SETD1B: variants seen among roughly 807,000 people sequenced by gnomAD.
The protein encoded by SETD1B is SET domain containing 1B, histone lysine methyltransferase, also known as histone-lysine N-methyltransferase SETD1B.
Under a neutral mutation model 148.0 loss-of-function variants are expected in SETD1B, and 7 were observed. That is an observed-to-expected ratio of 0.05 (90% CI 0.03 to 0.09). The LOEUF (loss-of-function observed/expected upper bound fraction) is 0.09, where lower values mean the gene tolerates loss of function less well. SETD1B is among the 10% of genes least tolerant of loss of function. The pLI, the probability that SETD1B is intolerant of heterozygous loss-of-function variation, is 1.00. For synonymous variants in SETD1B, 1,361 were observed against 1,186.5 expected (o/e 1.15, Z -3.02); for missense variants, 2,155 against 2,729.9 (o/e 0.79, Z 4.69).
In SETD1B at chr12:121,828,082, G is replaced by A; in HGVS notation, c.5727+12G>A. The A allele has an allele frequency of 1.3e-6, 2 of 1,551,482 alleles. No individual in the cohort carries two copies. The highest frequency in any genetic ancestry group is 1.7e-6 in the Non-Finnish European group (2 of 1,146,966). Reference sequence around the variant, plus strand: ...ACCACAGCTGCAACGTGAGTGCCCAGCGGGGGGTGGCCCCTGCCCCTGCTC... The same window carrying A: ...ACCACAGCTGCAACGTGAGTGCCCAACGGGGGGTGGCCCCTGCCCCTGCTC... On this transcript the variant is annotated intron_variant, in intron 16 of 16. Transcript: ENST00000604567.
Position 121,810,661 on chromosome 12 carries a change from C to T in SETD1B, c.1716C>T (p.Ile572=). Residue 572 remains isoleucine, a synonymous_variant, in exon 6 of 17, where the codon ATC becomes ATT. Transcript: ENST00000604567. This position sits in a 1 kb window ranked among gnomAD's most constrained non-coding sequence, Gnocchi z 7.6. ...CCTCCAGCACCGGCCTGGAGGATAT[C>T]AGCCCAACACCCCTCCCAGACTCCG... The part of the protein sequence containing the change: ...SRPSSTGLED[I]SPTPLPDSDE... 4 of 1,549,678 alleles carry T rather than the reference C, an allele frequency of 2.6e-6. No individual in the cohort carries two copies. The highest frequency in any genetic ancestry group is 3.5e-6 in the Non-Finnish European group (4 of 1,146,730).
At chr12:121,792,248 G>T in the SETD1B span, among the ~76,000 whole-genome samples, 203 of 152,324 alleles carry the variant, frequency 1.3e-3, 1 homozygote, top group African/African-American at 4.6e-3. Context: ...GAGGGCCACC[G>T]GATGACGTGG....
At chr12:121,812,379 TTC>T (rs1361195069) in intron 6 of SETD1B, among the ~76,000 whole-genome samples, 2 of 151,976 alleles carry the variant, frequency 1.3e-5, no homozygotes, top group Non-Finnish European at 2.9e-5. Flanking sequence ...ACTTTTGCCT[TTC>T]TGAGTCTCAG....
chr12:121,794,600 T>TC, the SETD1B span, among the ~76,000 whole-genome samples: 1 of 151,980 alleles, frequency 6.6e-6, no homozygotes, highest in Admixed American at 6.5e-5. Context: ...ATCCCAGGAA[T>TC]CCCCCCAACT....
At chr12:121,793,178 A>G in the SETD1B span, 2 of 1,550,578 alleles carry the variant, frequency 1.3e-6, no homozygotes, top group Non-Finnish European at 1.7e-6. Flanking sequence ...GTTCAGGGTC[A>G]CCTCCTTGCT....
Position 121,810,724 on chromosome 12 carries a change from G to A in SETD1B, c.1779G>A (p.Arg593=), listed in dbSNP as rs1566549532. Residue 593 remains arginine (R), a synonymous_variant, in exon 6 of 17, where the codon CGG becomes CGA. Transcript: ENST00000604567. The surrounding 1 kb of genome is among the most constrained non-coding windows in gnomAD (Gnocchi z 7.6). ...DEELDLGLGP[R]PPPEPGPPDP... ...AGCTCGACCTGGGCCTTGGGCCTCGGCCTCCACCTGAGCCAGGCCCCCCGG... is the reference window on the plus strand; with the variant it reads ...AGCTCGACCTGGGCCTTGGGCCTCGACCTCCACCTGAGCCAGGCCCCCCGG... 6.4e-7 allele frequency: 1 copy of A among 1,551,248 alleles called. No homozygotes were observed. Among genetic ancestry groups the A allele is most frequent in the Non-Finnish European group, 8.7e-7 (1 of 1,146,908 alleles).
At chr12:121,791,308 T>C in the SETD1B span, among the ~76,000 whole-genome samples, 1 of 152,166 alleles carries the variant, frequency 6.6e-6, no homozygotes, top group Non-Finnish European at 1.5e-5. Flanking sequence ...GGATTTTTAG[T>C]AGAGATGGGG....
chr12:121,800,649 G>T (rs1875296942), upstream of SETD1B: 1 of 150,128 alleles, frequency 6.7e-6, no homozygotes, highest in Non-Finnish European at 1.5e-5. Context: ...TACCCCTGCC[G>T]CTCCTCCCGC....
Position 121,831,508 on chromosome 12 carries a change from G to T in SETD1B, c.*1269G>T, listed in dbSNP as rs1439662802. 3.3e-5 allele frequency: 5 copies of T among 151,426 alleles called. No individual in the cohort carries two copies. Among genetic ancestry groups the T allele is most frequent in the Non-Finnish European group, 7.4e-5 (5 of 67,922 alleles). 9.4% of individuals were successfully genotyped at this position (151,426 alleles called of 1,614,324 possible). ...AAGGAAGGGGAAAAAGGTTTTTGAA[G>T]TTCAGAACCAACTTCTGTATATAGA... On this transcript the variant is annotated 3_prime_UTR_variant, in exon 17 of 17. Coordinates refer to ENST00000604567, the MANE Select transcript of SETD1B (RefSeq NM_001353345.2).
At chr12:121,814,977 C>T (rs531438373) in intron 7 of SETD1B, 47 bp downstream of exon 7, 1 of 1,472,696 alleles carries the variant, frequency 6.8e-7, no homozygotes. Context: ...TGGAGGGGGG[C>T]AGGTCCCCAG....
Position 121,810,298 on chromosome 12 carries a change from ACCCGGCCCGCCGCCC to A in SETD1B, c.1358_1372del (p.Gly453_Pro457del), listed in dbSNP as rs1487911782. ...TGGCCAAGGAGAAGCCAGGCACGCC[ACCCGGCCCGCCGCCC>A]CCCGACACCAACAGCATGGAGCTGG... is the stretch of plus-strand genomic sequence containing the variant. On this transcript the variant is annotated inframe_deletion, in exon 6 of 17. Transcript: ENST00000604567. This position sits in a 1 kb window ranked among gnomAD's most constrained non-coding sequence, Gnocchi z 7.6. 3 of 1,542,246 alleles carry A rather than the reference ACCCGGCCCGCCGCCC, an allele frequency of 1.9e-6. No individual in the cohort carries two copies. In the East Asian group the frequency reaches 7.4e-5, roughly 38 times the overall value.
At chr12:121,819,217 C>T (rs1297435776) in intron 10 of SETD1B, among the ~76,000 whole-genome samples, 187 bp from the exon 11 acceptor site, 1 of 152,170 alleles carries the variant, frequency 6.6e-6, no homozygotes, top group Non-Finnish European at 1.5e-5. Flanking sequence ...GCACTCCAGT[C>T]TGGGCAACAA....
At chr12:121,828,148 C>G (rs1293112160) in intron 16 of SETD1B, 78 bp downstream of exon 16, 13 of 1,511,932 alleles carry the variant, frequency 8.6e-6, no homozygotes, top group Non-Finnish European at 1.2e-5. Flanking sequence ...GGCCTGGAAG[C>G]CCCGGCACGG....
At chr12:121,793,225 C>T in the SETD1B span, 13 of 1,550,956 alleles carry the variant, frequency 8.4e-6, no homozygotes, top group Non-Finnish European at 1.1e-5. Flanking sequence ...TCTCGAACAC[C>T]GATGGGGCGT....
At chr12:121,799,394 G>A (rs903421592), upstream of SETD1B, 1 of 152,166 alleles carries the variant, frequency 6.6e-6, no homozygotes, top group Non-Finnish European at 1.5e-5. Flanking sequence ...GGAACCTCGG[G>A]TCTCTGTTCT....
chr12:121,805,816 C>G lies in SETD1B; in HGVS notation c.274-19C>G. ...GTTTAAACGTTCTTCAAACTCCCTTCCCCCTCGGCCCCTGCCAGATCGATG... is the reference window on the plus strand; with the variant it reads ...GTTTAAACGTTCTTCAAACTCCCTTGCCCCTCGGCCCCTGCCAGATCGATG... On this transcript the variant is annotated intron_variant, in intron 3 of 16. Transcript: ENST00000604567. This position sits in a 1 kb window ranked among gnomAD's most constrained non-coding sequence, Gnocchi z 4.2. 2 of 1,547,044 alleles carry G rather than the reference C, an allele frequency of 1.3e-6. No individual in the cohort carries two copies. The highest frequency in any genetic ancestry group is 1.7e-6 in the Non-Finnish European group (2 of 1,143,766).
In SETD1B at chr12:121,823,636, A is replaced by G. The variant is rs1876697425; in HGVS notation, c.5057A>G (p.Asn1686Ser). 6.4e-7 allele frequency: 1 copy of G among 1,551,480 alleles called. No homozygotes were observed. The highest frequency in any genetic ancestry group is 8.7e-7 in the Non-Finnish European group (1 of 1,147,002). Reference sequence around the variant, plus strand: ...ATGACCATCCTGTATGACATCTGGAACGGTGGCATCGATGAGGAGGACATC... The same window carrying G: ...ATGACCATCCTGTATGACATCTGGAGCGGTGGCATCGATGAGGAGGACATC... ...EEMTILYDIW[N>S]GGIDEEDIRF... The change falls in exon 12 of 17, where the codon AAC becomes AGC. Residue 1686 changes from asparagine to serine, a missense_variant. Physicochemically the swap from Asn to Ser is conservative, Grantham distance 46. Around this residue, in one of 11 missense-constraint regions of SETD1B, gnomAD observed 96 missense variants for 148.7 expected, o/e 0.65. Coordinates refer to ENST00000604567, the MANE Select transcript of SETD1B (RefSeq NM_001353345.2).
chr12:121,796,759 C>T, the SETD1B span, among the ~76,000 whole-genome samples: 1 of 152,168 alleles, frequency 6.6e-6, no homozygotes, highest in Admixed American at 6.5e-5. Context: ...CATTATTGTC[C>T]GGCCAGGCGC....
chr12:121,800,281 G>A (rs1470655095), upstream of SETD1B: 2 of 152,244 alleles, frequency 1.3e-5, no homozygotes, highest in Non-Finnish European at 2.9e-5. Flanking sequence ...CTCCTGCCTG[G>A]AGAGCTGGGC....
Sources: allele counts gnomAD v4.1 joint callset (sites outside exome capture counted in the v4.1 genomes callset), GRCh38; gene constraint gnomAD v4.1.1; regional missense constraint gnomAD v4.1.1; non-coding constraint Gnocchi (gnomAD v3.1); transcripts MANE v1.5; gene names NCBI Gene and HGNC (gene_info 2026-07-23, HGNC 2026-07-21).